SMURF2: variants seen among roughly 807,000 people sequenced by gnomAD.
SMURF2 encodes the protein E3 ubiquitin-protein ligase SMURF2.
A neutral mutation model predicts 109.6 loss-of-function variants in SMURF2; 48 were observed. The observed-to-expected ratio is 0.44, with a 90% CI of 0.35 to 0.56. The LOEUF (loss-of-function observed/expected upper bound fraction) is 0.56. Among genes scored for constraint, SMURF2 ranks in the 20% least tolerant of loss-of-function variants. SMURF2 has a pLI of 0.01. For missense variants in SMURF2, 575 were observed against 909.0 expected (o/e 0.63, Z 4.72); for synonymous variants, 288 against 317.1 (o/e 0.91, Z 0.97).
At position 64,547,507 on chromosome 17, in the gene SMURF2, T is replaced by TAA. The variant is rs1968975412; in HGVS notation, c.2071+91_2071+92dup. On this transcript the variant is annotated intron_variant, in intron 17 of 18. Transcript: ENST00000262435. This position sits in a 1 kb window ranked among gnomAD's most constrained non-coding sequence, Gnocchi z 4.2. ...GATAAGAAGTGAAAAAGAGAATCTC[T>TAA]AAGCACATGGTTTACAAAATATCTC... 1 of 1,039,818 alleles carries TAA rather than the reference T, an allele frequency of 9.6e-7. No homozygotes were observed. The highest frequency in any genetic ancestry group is 2.4e-5 in the East Asian group (1 of 41,548). 64.4% of individuals were successfully genotyped at this position (1,039,818 alleles called of 1,614,324 possible).
chr17:64,638,227 G>A (rs553501002), intron 1 of SMURF2, among the ~76,000 whole-genome samples: 32 of 151,990 alleles, frequency 2.1e-4, no homozygotes, highest in Admixed American at 1.4e-3. Context: ...CACCAAGCCC[G>A]ACTAATTTTT....
intron 11 of SMURF2, among the ~76,000 whole-genome samples, chr17:64,562,466 G>T (rs1271078207): frequency 6.8e-6 from 1 of 148,132 alleles, no homozygotes; most frequent in Non-Finnish European, 1.5e-5. Flanking sequence ...CGCAACCTCC[G>T]CCTCCTGGGT....
At chr17:64,576,454 A>G (rs539867285) in intron 9 of SMURF2, among the ~76,000 whole-genome samples, 1 of 151,984 alleles carries the variant, frequency 6.6e-6, no homozygotes, top group Non-Finnish European at 1.5e-5. Flanking sequence ...ACCTGAGGTC[A>G]GGTGCTCAAG....
In SMURF2 at chr17:64,543,027, A is replaced by G. The variant is rs1200038085; in HGVS notation, c.*2821T>C. ...GATGGAAAGGCAAGAGTATGAAAAC[A>G]GATATCACATATCTGAAATAACAAT... On this transcript the variant is annotated 3_prime_UTR_variant, in exon 19 of 19. Transcript: ENST00000262435. The G allele has an allele frequency of 6.6e-6, 1 of 152,198 alleles. No homozygotes were observed. The highest frequency in any genetic ancestry group is 1.5e-5 in the Non-Finnish European group (1 of 68,032). The allele number at this position is 152,198 out of a possible 1,614,324, so 9.4% of individuals were successfully genotyped here.
intron 1 of SMURF2, among the ~76,000 whole-genome samples, chr17:64,642,995 C>T (rs1170537360): frequency 1.3e-5 from 2 of 151,862 alleles, no homozygotes; most frequent in Non-Finnish European, 2.9e-5. Flanking sequence ...CGGAGTTTCA[C>T]CCTGTTATCC....
chr17:64,593,655 C>A, intron 3 of SMURF2, 82 bp from the exon 4 acceptor site: 1 of 1,184,802 alleles, frequency 8.4e-7, no homozygotes, highest in South Asian at 2.3e-5. Flanking sequence ...TTTTTATATT[C>A]TAAAGTTACT....
chr17:64,612,329 T>C (rs573717807), intron 1 of SMURF2, among the ~76,000 whole-genome samples: 2 of 152,182 alleles, frequency 1.3e-5, no homozygotes, highest in Admixed American at 6.6e-5. Context: ...TTTTATACTA[T>C]ATAACAATGG....
chr17:64,560,834 C>T (rs1375321778), intron 12 of SMURF2: 1 of 150,938 alleles, frequency 6.6e-6, no homozygotes, highest in Non-Finnish European at 1.5e-5. Context: ...GGTGTGGTGG[C>T]TTGTACCTGT....
intron 1 of SMURF2, among the ~76,000 whole-genome samples, chr17:64,631,654 T>A (rs1455123166): frequency 7.2e-5 from 11 of 151,934 alleles, no homozygotes; most frequent in African/African-American, 2.4e-4. Flanking sequence ...AAACACCCCC[T>A]CCCAAAAAAC....
intron 1 of SMURF2, among the ~76,000 whole-genome samples, chr17:64,615,266 GA>G (rs376861175): frequency 8.1e-5 from 12 of 147,698 alleles, no homozygotes; most frequent in African/African-American, 2.7e-4. Context: ...CTGCTTGAGA[GA>G]AAAAAAAAAT....
intron 1 of SMURF2, among the ~76,000 whole-genome samples, chr17:64,634,899 G>A (rs1970395435): frequency 1.3e-5 from 2 of 152,110 alleles, no homozygotes; most frequent in Admixed American, 1.3e-4. Flanking sequence ...GGTATTGACA[G>A]CCAATATTCA....
At chr17:64,590,641 C>T (rs190181868) in intron 5 of SMURF2, among the ~76,000 whole-genome samples, 154 of 152,264 alleles carry the variant, frequency 1.0e-3, no homozygotes, top group African/African-American at 3.6e-3. Flanking sequence ...AACAATTTCT[C>T]CCTTTTTCCA....
intron 10 of SMURF2, among the ~76,000 whole-genome samples, chr17:64,565,390 C>T (rs1969285246): frequency 6.6e-6 from 1 of 152,138 alleles, no homozygotes; most frequent in Admixed American, 6.5e-5. Context: ...GGGCCTCTGC[C>T]AATGTCTAAA....
intron 1 of SMURF2, among the ~76,000 whole-genome samples, chr17:64,620,093 G>C (rs1430966448): frequency 6.6e-6 from 1 of 152,142 alleles, no homozygotes; most frequent in Non-Finnish European, 1.5e-5. Flanking sequence ...CACGTTTCCA[G>C]TCATCCAGAA....
chr17:64,627,711 A>T (rs1970286511), intron 1 of SMURF2, among the ~76,000 whole-genome samples: 1 of 152,218 alleles, frequency 6.6e-6, no homozygotes, highest in African/African-American at 2.4e-5. Context: ...CATACAAAAC[A>T]GAGGCAGTTA....
intron 1 of SMURF2, among the ~76,000 whole-genome samples, chr17:64,646,186 C>A (rs1377463102): frequency 6.6e-6 from 1 of 151,562 alleles, no homozygotes; most frequent in South Asian, 2.1e-4. Flanking sequence ...ATGTCTCAGC[C>A]TCCCGAGTAG....
chr17:64,643,850 TGA>T (rs1444875648), intron 1 of SMURF2, among the ~76,000 whole-genome samples: 2 of 152,126 alleles, frequency 1.3e-5, no homozygotes, highest in African/African-American at 4.8e-5. Context: ...TTTTTGAGAC[TGA>T]GTCTCAATCT....
rs987963292 is a variant in SMURF2 at position 64,545,576 on chromosome 17, G to C, written c.*272C>G. ...ATACTGCCTAACTCTGGAAATGTAGGAAAAGTCAGCATTCTTTAGGTTCAA... is the reference window on the plus strand; with the variant it reads ...ATACTGCCTAACTCTGGAAATGTAGCAAAAGTCAGCATTCTTTAGGTTCAA... On this transcript the variant is annotated 3_prime_UTR_variant, in exon 19 of 19. Transcript: ENST00000262435. 18 of 249,552 alleles carry C rather than the reference G, an allele frequency of 7.2e-5. No individual in the cohort carries two copies. The highest frequency in any genetic ancestry group is 1.2e-4 in the Non-Finnish European group (16 of 129,580). 15.5% of individuals were successfully genotyped at this position (249,552 alleles called of 1,614,324 possible).
chr17:64,586,750 C>CAAAAA (rs782490512), intron 5 of SMURF2, among the ~76,000 whole-genome samples: 3 of 27,440 alleles, frequency 1.1e-4, no homozygotes, highest in African/African-American at 2.6e-4. Flanking sequence ...GACTCCGTCT[C>CAAAAA]AAAAAAAAAA....
Sources: gnomAD v4.1 joint callset for allele counts (sites outside exome capture counted in the v4.1 genomes callset) on GRCh38, gnomAD v4.1.1 for gene constraint, Gnocchi (gnomAD v3.1) non-coding constraint, MANE v1.5 for transcripts, NCBI Gene and HGNC (gene_info 2026-07-23, HGNC 2026-07-21) for gene names.